The following PLCB1 variants were observed in gnomAD, a reference collection of about 807,000 sequenced individuals.
PLCB1 encodes the protein phospholipase C beta 1.
PLCB1 carries 46 observed loss-of-function variants against 161.8 expected under a neutral mutation model. The observed-to-expected ratio is 0.28, with a 90% CI of 0.22 to 0.36. PLCB1 has a LOEUF of 0.36. PLCB1 is among the 10% of genes least tolerant of loss of function. PLCB1 has a pLI of 1.00. For missense variants in PLCB1, 1,016 were observed against 1,472.5 expected (o/e 0.69, Z 5.07); for synonymous variants, 517 against 503.7 (o/e 1.03, Z -0.35).
chr20:8,408,642 T>C (rs1978894494), intron 3 of PLCB1, among the ~76,000 whole-genome samples: 1 of 152,188 alleles, frequency 6.6e-6, no homozygotes, highest in South Asian at 2.1e-4. Context: ...ACATATTTAA[T>C]ACAATGATTC....
At chr20:8,684,798 A>G in intron 9 of PLCB1, 134 bp from the exon 10 acceptor site, 1 of 581,314 alleles carries the variant, frequency 1.7e-6, no homozygotes, top group East Asian at 2.7e-5. Flanking sequence ...ATAATCCTAC[A>G]CTCTTATTTA....
At chr20:8,470,945 T>A (rs970981581) in intron 3 of PLCB1, among the ~76,000 whole-genome samples, 4 of 152,114 alleles carry the variant, frequency 2.6e-5, no homozygotes, top group Non-Finnish European at 4.4e-5. Flanking sequence ...AGAAAGTGGG[T>A]AATTACTAAA....
chr20:8,317,265 C>G (rs1314631083), intron 2 of PLCB1, among the ~76,000 whole-genome samples: 3 of 152,130 alleles, frequency 2.0e-5, no homozygotes, highest in Non-Finnish European at 4.4e-5. Flanking sequence ...GAGGGTACAT[C>G]AGATTCCCTT....
chr20:8,607,310 A>T (rs1380420634), intron 3 of PLCB1, among the ~76,000 whole-genome samples: 2 of 152,206 alleles, frequency 1.3e-5, no homozygotes, highest in African/African-American at 2.4e-5. Context: ...AGACAAAGTG[A>T]TCTTCCAAAA....
At chr20:8,146,330 T>G (rs1187537186) in intron 1 of PLCB1, among the ~76,000 whole-genome samples, 1 of 152,226 alleles carries the variant, frequency 6.6e-6, no homozygotes, top group Middle Eastern at 3.2e-3. Flanking sequence ...TGGCTTTCCT[T>G]GAGGAAGTCA....
chr20:8,398,866 G>A (rs1438687894), intron 3 of PLCB1, among the ~76,000 whole-genome samples: 2 of 151,602 alleles, frequency 1.3e-5, no homozygotes, highest in African/African-American at 4.9e-5. Flanking sequence ...TACCCTAGAG[G>A]TGCAAAAATG....
In PLCB1 at chr20:8,882,056, A is replaced by T. The variant is rs1988017345; in HGVS notation, c.*207A>T. ...ATGTGGAAACCTCCACAGGTCTGCT[A>T]GTGAAGAATGCATGTATGTGAGATT... On this transcript the variant is annotated 3_prime_UTR_variant, in exon 32 of 32. Transcript: ENST00000338037. 7.3e-6 allele frequency: 4 copies of T among 551,612 alleles called. No individual in the cohort carries two copies. The East Asian group carries it at 1.2e-4, about 16-fold the overall frequency. 34.2% of individuals were successfully genotyped at this position (551,612 alleles called of 1,614,324 possible).
chr20:8,710,200 G>A (rs1978921281), intron 12 of PLCB1, among the ~76,000 whole-genome samples: 1 of 152,108 alleles, frequency 6.6e-6, no homozygotes, highest in African/African-American at 2.4e-5. Context: ...TTACTCACGG[G>A]AAGACAGAGT....
chr20:8,375,550 GTAATTTT>G (rs113482156), intron 3 of PLCB1, among the ~76,000 whole-genome samples: 4,876 of 152,194 alleles, frequency 0.032, 283 homozygotes, highest in African/African-American at 0.11. Context: ...AGCATAAAGT[GTAATTTT>G]TACTGTGGGC....
intron 3 of PLCB1, among the ~76,000 whole-genome samples, chr20:8,604,337 T>A (rs1048962606): frequency 6.6e-6 from 1 of 150,812 alleles, no homozygotes; most frequent in Non-Finnish European, 1.5e-5. Context: ...ATATGTAATA[T>A]AAATGAAACT....
At chr20:8,877,808 T>C (rs1196125358) in intron 31 of PLCB1, among the ~76,000 whole-genome samples, 2 of 152,208 alleles carry the variant, frequency 1.3e-5, no homozygotes, top group African/African-American at 4.8e-5. Context: ...CATTAATAAT[T>C]GTATGGCTGT....
chr20:8,677,166 G>A (rs187867222), intron 9 of PLCB1, among the ~76,000 whole-genome samples: 1 of 152,292 alleles, frequency 6.6e-6, no homozygotes, highest in East Asian at 1.9e-4. Context: ...GGCTGAGGTG[G>A]GTGGATCACC....
chr20:8,489,337 A>T (rs1400461640), intron 3 of PLCB1, among the ~76,000 whole-genome samples: 3 of 152,180 alleles, frequency 2.0e-5, no homozygotes, highest in African/African-American at 7.2e-5. Context: ...ACCTAGAAGA[A>T]TGCACCACTG....
intron 11 of PLCB1, among the ~76,000 whole-genome samples, chr20:8,707,273 A>G (rs1978736197): frequency 6.6e-6 from 1 of 152,168 alleles, no homozygotes; most frequent in South Asian, 2.1e-4. Flanking sequence ...TCAGGAGTGG[A>G]TATAAAGAAC....
chr20:8,760,000 G>A (rs1374035678), intron 24 of PLCB1, among the ~76,000 whole-genome samples: 2 of 138,296 alleles, frequency 1.4e-5, no homozygotes, highest in Admixed American at 1.7e-4. Flanking sequence ...CCACCTCCTG[G>A]CTTCAAGTGA....
intron 2 of PLCB1, among the ~76,000 whole-genome samples, chr20:8,347,319 A>G (rs1986030973): frequency 6.6e-6 from 1 of 152,154 alleles, no homozygotes; most frequent in Non-Finnish European, 1.5e-5. Flanking sequence ...TGAAATGTTT[A>G]TTTCATATTT....
chr20:8,255,405 A>G (rs913958619), intron 2 of PLCB1, among the ~76,000 whole-genome samples: 3 of 152,116 alleles, frequency 2.0e-5, no homozygotes, highest in African/African-American at 7.2e-5. Context: ...ACAGAACAAG[A>G]CAAATTCAAT....
intron 3 of PLCB1, among the ~76,000 whole-genome samples, chr20:8,451,280 G>A (rs893839979): frequency 1.3e-5 from 2 of 152,144 alleles, no homozygotes; most frequent in African/African-American, 4.8e-5. Flanking sequence ...ATAACAATTT[G>A]CATTTGGATA....
chr20:8,172,466 G>A (rs1011912812), intron 2 of PLCB1, among the ~76,000 whole-genome samples: 4 of 152,202 alleles, frequency 2.6e-5, no homozygotes, highest in Non-Finnish European at 4.4e-5. Flanking sequence ...ATTGGCTGGA[G>A]CATAGTAAAT....
Sources: allele counts gnomAD v4.1 joint callset (sites outside exome capture counted in the v4.1 genomes callset), GRCh38; gene constraint gnomAD v4.1.1; transcripts MANE v1.5; gene names NCBI Gene and HGNC (gene_info 2026-07-23, HGNC 2026-07-21).